The following MAP4K4 variants were observed in gnomAD, a reference collection of about 807,000 sequenced individuals.
MAP4K4 encodes the protein HPK/GCK-like kinase HGK.
A neutral mutation model predicts 189.6 loss-of-function variants in MAP4K4; 38 were observed. The observed-to-expected ratio is 0.20, with a 90% CI of 0.15 to 0.26. MAP4K4 has a LOEUF of 0.26. MAP4K4 is among the 10% of genes least tolerant of loss of function. MAP4K4 has a pLI of 1.00. For missense variants in MAP4K4, 1,054 were observed against 1,726.9 expected (o/e 0.61, Z 6.91); for synonymous variants, 610 against 624.3 (o/e 0.98, Z 0.34).
chr2:101,698,080 A>G (rs1216932395), exon 1 of MAP4K4: 1 of 1,329,570 alleles, frequency 7.5e-7, no homozygotes, highest in Non-Finnish European at 9.9e-7. Flanking sequence ...AAAAAGGGAA[A>G]ATGGCGAACG....
chr2:101,762,469 T>C (rs1179375498), intron 2 of MAP4K4, among the ~76,000 whole-genome samples: 5 of 152,146 alleles, frequency 3.3e-5, no homozygotes, highest in Non-Finnish European at 5.9e-5. Context: ...AGGAGGCCAT[T>C]CTGAATAGAA....
At chr2:101,829,796 G>A (rs1440138436) in intron 6 of MAP4K4, 1 of 506,506 alleles carries the variant, frequency 2.0e-6, no homozygotes, top group Non-Finnish European at 3.6e-6. Context: ...CCTGCCCCCT[G>A]GTTCTCTATA....
At position 101,766,295 on chromosome 2, in the gene MAP4K4, C is replaced by G. The variant is rs528387586; in HGVS notation, c.124-24425C>G. On this transcript the variant is annotated intron_variant, in intron 2 of 32. Transcript: ENST00000324219. Reference sequence around the variant, plus strand: ...TGCTGGGGGCTGGACAGGAGGTAAGCTGGTGGTGGTCACCTGGGCTTAGTG... The same window carrying G: ...TGCTGGGGGCTGGACAGGAGGTAAGGTGGTGGTGGTCACCTGGGCTTAGTG... Among the ~76,000 whole-genome samples the G allele has an allele frequency of 3.3e-5, 5 of 152,244 alleles. 1 individual carries two copies. In the South Asian group the frequency reaches 1.0e-3, roughly 32 times the overall value.
chr2:101,766,382 A>T (rs749114795), intron 2 of MAP4K4, among the ~76,000 whole-genome samples: 3 of 152,180 alleles, frequency 2.0e-5, no homozygotes, highest in Non-Finnish European at 2.9e-5. Flanking sequence ...TTTCTGCTTT[A>T]TGATAAGCGT....
chr2:101,809,529 G>A (rs2095277141), intron 3 of MAP4K4, among the ~76,000 whole-genome samples: 1 of 152,134 alleles, frequency 6.6e-6, no homozygotes, highest in Admixed American at 6.5e-5. Context: ...TGAAGTTAGG[G>A]AAAGGAAGCA....
At chr2:101,729,945 G>A (rs2057652669) in intron 2 of MAP4K4, among the ~76,000 whole-genome samples, 1 of 152,294 alleles carries the variant, frequency 6.6e-6, no homozygotes, top group Admixed American at 6.5e-5. Flanking sequence ...ATCAGATGGT[G>A]TGTAAAGATG....
intron 2 of MAP4K4, among the ~76,000 whole-genome samples, chr2:101,749,177 A>T (rs1317650927): frequency 6.6e-6 from 1 of 151,540 alleles, no homozygotes; most frequent in East Asian, 1.9e-4. Context: ...TTCATATGGA[A>T]CCAAAAAAGA....
intron 2 of MAP4K4, among the ~76,000 whole-genome samples, chr2:101,781,442 A>G (rs926699265): frequency 2.6e-5 from 4 of 151,890 alleles, no homozygotes; most frequent in African/African-American, 9.7e-5. Context: ...TTGGCTCATG[A>G]CTCTGGAGGC....
intron 3 of MAP4K4, among the ~76,000 whole-genome samples, chr2:101,808,703 A>G (rs911485484): frequency 5.3e-5 from 8 of 152,182 alleles, no homozygotes; most frequent in Non-Finnish European, 7.3e-5. Context: ...GGGATAAAAT[A>G]TAGAGAAGTA....
intron 2 of MAP4K4, among the ~76,000 whole-genome samples, chr2:101,734,938 C>CA (rs1413895147): frequency 6.6e-6 from 1 of 152,128 alleles, no homozygotes; most frequent in African/African-American, 2.4e-5. Context: ...GGCTAGGAGT[C>CA]AAAGGGGCTA....
At chr2:101,727,442 G>A (rs544268571) in intron 2 of MAP4K4, among the ~76,000 whole-genome samples, 1 of 152,316 alleles carries the variant, frequency 6.6e-6, no homozygotes, top group East Asian at 1.9e-4. Context: ...TAGTCAGTGA[G>A]GTTGTCTTTT....
chr2:101,734,551 A>G (rs2059655740), intron 2 of MAP4K4, among the ~76,000 whole-genome samples: 1 of 150,256 alleles, frequency 6.7e-6, no homozygotes, highest in Admixed American at 6.7e-5. Context: ...TTAGTTTGTC[A>G]AAAGCTAGTG....
intron 3 of MAP4K4, among the ~76,000 whole-genome samples, chr2:101,813,744 C>T (rs1260418985): frequency 6.6e-6 from 1 of 152,206 alleles, no homozygotes; most frequent in Non-Finnish European, 1.5e-5. Flanking sequence ...GGACCACTTA[C>T]ATCGTGGGCT....
At chr2:101,739,508 G>C (rs1282566612) in intron 2 of MAP4K4, among the ~76,000 whole-genome samples, 3 of 152,146 alleles carry the variant, frequency 2.0e-5, no homozygotes, top group Non-Finnish European at 4.4e-5. Flanking sequence ...GTTTTTAGTG[G>C]TTGTAATTTA....
chr2:101,786,404 T>TAA (rs537345043), intron 2 of MAP4K4, among the ~76,000 whole-genome samples: 9 of 147,962 alleles, frequency 6.1e-5, no homozygotes, highest in Admixed American at 2.0e-4. Flanking sequence ...GTTTTCTTCT[T>TAA]AAAAAAAAAA....
chr2:101,728,213 ATT>A (rs2056613800), intron 2 of MAP4K4, among the ~76,000 whole-genome samples: 1 of 152,136 alleles, frequency 6.6e-6, no homozygotes, highest in Non-Finnish European at 1.5e-5. Context: ...TGCTAGCAAG[ATT>A]TTTATCAGTG....
intron 15 of MAP4K4, chr2:101,860,272 T>A: frequency 3.6e-6 from 1 of 278,738 alleles, no homozygotes. Context: ...GCTAGATTGG[T>A]GCATTAGGGT....
intron 12 of MAP4K4, among the ~76,000 whole-genome samples, chr2:101,854,596 A>G (rs1020515185): frequency 2.0e-5 from 3 of 152,262 alleles, no homozygotes; most frequent in Non-Finnish European, 4.4e-5. Context: ...ATACTACTTT[A>G]CATTTCTTAG....
intron 12 of MAP4K4, among the ~76,000 whole-genome samples, chr2:101,847,234 G>A (rs565062581): frequency 2.0e-5 from 3 of 152,232 alleles, no homozygotes; most frequent in East Asian, 1.9e-4. Context: ...TTGTATAAAA[G>A]TATAGCACAT....
Sources: gnomAD v4.1 joint callset for allele counts (sites outside exome capture counted in the v4.1 genomes callset) on GRCh38, gnomAD v4.1.1 for gene constraint, MANE v1.5 for transcripts, NCBI Gene and HGNC (gene_info 2026-07-23, HGNC 2026-07-21) for gene names.